The following ENTPD6 variants were observed in gnomAD, a reference collection of about 807,000 sequenced individuals.
ENTPD6 encodes the protein CD39 antigen-like 2.
Under a neutral mutation model 61.5 loss-of-function variants are expected in ENTPD6, and 46 were observed. That is an observed-to-expected ratio of 0.75 (90% confidence interval 0.59 to 0.96). The LOEUF (loss-of-function observed/expected upper bound fraction) is 0.96, where lower values mean the gene tolerates loss of function less well. ENTPD6 is among the 40% of genes least tolerant of loss of function. The probability of loss-of-function intolerance (pLI) is 0.00; values close to 1 mark genes in which losing one functional copy is unlikely to be tolerated. For synonymous variants in ENTPD6, 252 were observed against 255.5 expected (o/e 0.99, Z 0.13); for missense variants, 612 against 629.0 (o/e 0.97, Z 0.29).
chr20:25,201,233 C>A (rs1398724015), intron 1 of ENTPD6, among the ~76,000 whole-genome samples: 1 of 152,212 alleles, frequency 6.6e-6, no homozygotes, highest in Non-Finnish European at 1.5e-5. Context: ...AGCCCACCGT[C>A]TGGCGTTGCA....
chr20:25,208,803 A>G (rs1327909216), intron 3 of ENTPD6, among the ~76,000 whole-genome samples: 2 of 152,262 alleles, frequency 1.3e-5, no homozygotes, highest in African/African-American at 2.4e-5. Flanking sequence ...GGAGTCACTT[A>G]TCCTATTCCG....
chr20:25,216,839 G>T (rs1044513705), intron 8 of ENTPD6, 103 bp downstream of exon 8: 39 of 748,220 alleles, frequency 5.2e-5, no homozygotes, highest in Admixed American at 1.0e-4. Context: ...GGGGTGGGGG[G>T]TGGGGTTGGC....
chr20:25,225,040 T>C, intron 13 of ENTPD6, 165 bp from the exon 14 acceptor site: 1 of 1,114,444 alleles, frequency 9.0e-7, no homozygotes, highest in Non-Finnish European at 1.2e-6. Flanking sequence ...CCCACCTGCC[T>C]GTGCTGTGCA....
Position 25,225,516 on chromosome 20 carries a change from CA to C in ENTPD6, c.1376del (p.Asn459MetfsTer18). ...KVLKLTRKID[N>X]VETSWALGAI... The stretch of plus-strand genomic sequence containing the variant: ...TTTTCAAGCTCACTCGGAAAATTGA[CA>C]ATGTTGAGACCAGCTGGGCTCTGGG... On this transcript the variant is annotated frameshift_variant, in exon 15 of 15. Transcript: ENST00000376652. LOFTEE classifies it high-confidence loss of function. 1 of 1,613,928 alleles carries C rather than the reference CA, an allele frequency of 6.2e-7. No individual in the cohort carries two copies.
intron 9 of ENTPD6, 75 bp from the exon 10 acceptor site, chr20:25,218,475 T>C: frequency 1.4e-6 from 2 of 1,396,764 alleles, no homozygotes. Flanking sequence ...CCACTCGGGC[T>C]GGGTCTCAGA....
chr20:25,216,089 C>T (rs2092300308), intron 7 of ENTPD6, among the ~76,000 whole-genome samples: 1 of 152,216 alleles, frequency 6.6e-6, no homozygotes, highest in African/African-American at 2.4e-5. Flanking sequence ...TTGGATTCCT[C>T]TGCTGTAGGT....
chr20:25,207,987 C>T (rs1463476605), intron 3 of ENTPD6, among the ~76,000 whole-genome samples: 1 of 152,222 alleles, frequency 6.6e-6, no homozygotes, highest in East Asian at 1.9e-4. Context: ...TCCAACCACC[C>T]TCTTCCCTTG....
chr20:25,197,317 T>G, intron 1 of ENTPD6: 2 of 884,418 alleles, frequency 2.3e-6, no homozygotes, highest in Non-Finnish European at 2.7e-6. Flanking sequence ...TTCTCTTCTC[T>G]GACTCCTGCC....
In ENTPD6 at chr20:25,217,601, C is replaced by T. The variant is rs762219680; in HGVS notation, c.878+20C>T. 6.0e-5 allele frequency: 97 copies of T among 1,609,556 alleles called. No individual in the cohort carries two copies. The Admixed American group carries it at 7.5e-4, about 12-fold the overall frequency. ...CTACAGGTCTGCTTTCGGGAACAGG[C>T]GTGGGGAGGCGCCATGGGGTGGGTA... On this transcript the variant is annotated intron_variant, in intron 9 of 14. Coordinates refer to ENST00000376652, the MANE Select transcript of ENTPD6 (RefSeq NM_001247.5).
At chr20:25,196,158 C>T (rs1014619646) in intron 1 of ENTPD6, 1 of 1,215,922 alleles carries the variant, frequency 8.2e-7, no homozygotes, top group Non-Finnish European at 1.0e-6. Context: ...ATTCAGCCCG[C>T]TTTTGCGGAC....
chr20:25,219,540 G>C (rs1481132053), intron 10 of ENTPD6, among the ~76,000 whole-genome samples: 1 of 152,216 alleles, frequency 6.6e-6, no homozygotes, highest in Non-Finnish European at 1.5e-5. Flanking sequence ...CAGCGGGCAT[G>C]GACTCTTAGG....
chr20:25,196,757 G>A (rs2090469155), intron 1 of ENTPD6, among the ~76,000 whole-genome samples: 2 of 152,184 alleles, frequency 1.3e-5, no homozygotes, highest in Non-Finnish European at 2.9e-5. Context: ...CCCACCCGCT[G>A]TGCAAGAGCC....
chr20:25,223,076 A>G (rs536778077), intron 12 of ENTPD6, 98 bp downstream of exon 12: 5 of 1,411,236 alleles, frequency 3.5e-6, no homozygotes, highest in East Asian at 2.3e-5. Flanking sequence ...GTGGCAGGCA[A>G]GCAACCCTGT....
intron 1 of ENTPD6, among the ~76,000 whole-genome samples, chr20:25,201,503 A>T (rs970214246): frequency 6.6e-6 from 1 of 152,162 alleles, no homozygotes; most frequent in Non-Finnish European, 1.5e-5. Context: ...CTATTTTATC[A>T]TGATATAATG....
rs2092782023 is a variant in ENTPD6 at position 25,225,773 on chromosome 20, C to T, written c.*176C>T. On this transcript the variant is annotated 3_prime_UTR_variant, in exon 15 of 15. Transcript: ENST00000376652. Reference sequence around the variant, plus strand: ...TGCCCTGGCATCAGCCTCTTCCAGTCACATCTGGCCAGAGGGCTGTCTGGA... The same window carrying T: ...TGCCCTGGCATCAGCCTCTTCCAGTTACATCTGGCCAGAGGGCTGTCTGGA... The T allele has an allele frequency of 1.7e-6, 1 of 596,558 alleles. No homozygotes were observed. The highest frequency in any genetic ancestry group is 1.9e-5 in the African/African-American group (1 of 53,560). 37.0% of individuals were successfully genotyped at this position (596,558 alleles called of 1,614,324 possible).
At chr20:25,202,450 T>A (rs1018593465) in intron 1 of ENTPD6, among the ~76,000 whole-genome samples, 1 of 152,186 alleles carries the variant, frequency 6.6e-6, no homozygotes, top group Non-Finnish European at 1.5e-5. Context: ...ATTTTATAGC[T>A]TTTTTTGTCC....
chr20:25,208,146 A>C (rs1297262819), intron 3 of ENTPD6, among the ~76,000 whole-genome samples: 1 of 152,196 alleles, frequency 6.6e-6, no homozygotes, highest in African/African-American at 2.4e-5. Context: ...TGTGGGGTAG[A>C]CACCATCCTG....
intron 10 of ENTPD6, 61 bp downstream of exon 10, chr20:25,218,675 A>G: frequency 6.7e-7 from 1 of 1,493,186 alleles, no homozygotes. Flanking sequence ...TCTCAGTGGG[A>G]ACGAGGAGCC....
chr20:25,223,102 G>A, intron 12 of ENTPD6, 124 bp downstream of exon 12: 1 of 1,135,186 alleles, frequency 8.8e-7, no homozygotes, highest in Non-Finnish European at 1.2e-6. Flanking sequence ...CATCCCTGCA[G>A]GAGGCCAGAA....
Sources: gnomAD v4.1 joint callset for allele counts (sites outside exome capture counted in the v4.1 genomes callset) on GRCh38, gnomAD v4.1.1 for gene constraint, MANE v1.5 for transcripts, NCBI Gene and HGNC (gene_info 2026-07-23, HGNC 2026-07-21) for gene names.